The following WASHC4 variants were observed in gnomAD, a reference collection of about 807,000 sequenced individuals.
The protein encoded by WASHC4 is WASH complex subunit 4, also known as WASH complex subunit 7.
In WASHC4, 86 loss-of-function variants were observed where a neutral mutation model predicts 166.6. The ratio of observed to expected loss-of-function variants is 0.52; its 90% confidence interval spans 0.43 to 0.62. WASHC4 has a LOEUF of 0.62. Ranked by LOEUF, WASHC4 falls within the 20% of genes least tolerant of loss-of-function variation. The pLI is 0.00. For synonymous variants in WASHC4, 446 were observed against 451.6 expected, an observed-to-expected ratio of 0.99 and a Z score of 0.16; for missense variants, 1,262 against 1,382.4, an observed-to-expected ratio of 0.91 and a Z score of 1.38.
At chr12:105,144,496 T>C (rs1387947162) in intron 21 of WASHC4, 41 bp downstream of exon 21, 10 of 1,239,400 alleles carry the variant, frequency 8.1e-6, no homozygotes, top group South Asian at 4.9e-5. Context: ...TATTCTCTTT[T>C]TTTTTTTTTT....
chr12:105,152,743 A>C (rs1306978429), intron 26 of WASHC4, among the ~76,000 whole-genome samples: 2 of 152,226 alleles, frequency 1.3e-5, no homozygotes, highest in Admixed American at 1.3e-4. Context: ...GTAAGTACTT[A>C]CTGAATACCT....
At position 105,144,713 on chromosome 12, in the gene WASHC4, G is replaced by C. The variant is rs76174691; in HGVS notation, c.2180-5G>C. 2.7e-6 allele frequency: 4 copies of C among 1,502,254 alleles called. No individual in the cohort carries two copies. The highest frequency in any genetic ancestry group is 2.2e-5 in the Admixed American group (1 of 45,942). The allele number at this position is 1,502,254 out of a possible 1,614,324, so 93.1% of individuals were successfully genotyped here. A position where few individuals can be genotyped will look rare whatever the true frequency, so the allele number is the denominator to read the frequency against. On this transcript the variant is annotated splice_region_variant and splice_polypyrimidine_tract_variant and intron_variant, in intron 21 of 32. Transcript: ENST00000332180. ...TTCACAAGTTGAATTTTTTTTTTTT[G>C]GTAGCTTACGTAACTCACTACCTAG...
At chr12:105,152,306 A>G (rs778689943) in intron 25 of WASHC4, 37 bp from the exon 26 acceptor site, 2 of 1,046,094 alleles carry the variant, frequency 1.9e-6, no homozygotes, top group East Asian at 4.8e-5. Context: ...TGCTTTAGAA[A>G]TCTTTATTAA....
intron 24 of WASHC4, chr12:105,148,164 A>C: frequency 1.0e-6 from 1 of 985,330 alleles, no homozygotes; most frequent in Non-Finnish European, 1.2e-6. Flanking sequence ...AAAGCATTGA[A>C]GATTTTGAGC....
intron 15 of WASHC4, 138 bp downstream of exon 15, chr12:105,138,149 T>G: frequency 1.4e-6 from 1 of 725,784 alleles, no homozygotes. Context: ...CTCAATTGAA[T>G]AAAGGAACTA....
intron 25 of WASHC4, among the ~76,000 whole-genome samples, chr12:105,151,766 C>A (rs1204870903): frequency 1.3e-5 from 2 of 152,216 alleles, no homozygotes; most frequent in Admixed American, 1.3e-4. Context: ...AGGCATGAGC[C>A]ACTGTGCCCA....
chr12:105,156,617 T>C (rs1592916153), intron 26 of WASHC4, 109 bp from the exon 27 acceptor site: 5 of 768,558 alleles, frequency 6.5e-6, no homozygotes, highest in Non-Finnish European at 1.1e-5. Context: ...CAAAATATTT[T>C]GGTTCTTAGG....
At chr12:105,148,711 CT>C in intron 24 of WASHC4, 2 of 985,160 alleles carry the variant, frequency 2.0e-6, no homozygotes, top group Non-Finnish European at 2.4e-6. Flanking sequence ...TAAATGAATA[CT>C]GAGTAAAACG....
Position 105,133,893 on chromosome 12 carries a change from A to G in WASHC4, c.1323A>G (p.Ile441Met), listed in dbSNP as rs1233691302. 1 of 1,611,512 alleles carries G rather than the reference A, an allele frequency of 6.2e-7. No homozygotes were observed. The highest frequency in any genetic ancestry group is 2.2e-5 in the East Asian group (1 of 44,672). ...TCACCAATAGATGTAATGTTTTTAT[A>G]CAGGTAGTTGCATCTTATTTCGGGG... ...EDLTNRCNVF[I>M]QGFLYAYSIS... The change falls in exon 14 of 33, where the codon ATA becomes ATG. Residue 441 changes from isoleucine to methionine, a missense_variant. By Grantham distance (10) the Ile-to-Met change is conservative (BLOSUM62 1). Coordinates refer to ENST00000332180, the MANE Select transcript of WASHC4 (RefSeq NM_015275.3).
chr12:105,126,779 C>T (rs1347302174), intron 12 of WASHC4, among the ~76,000 whole-genome samples: 1 of 151,826 alleles, frequency 6.6e-6, no homozygotes, highest in Non-Finnish European at 1.5e-5. Context: ...CTATGATAAC[C>T]CAGCCAATTT....
intron 25 of WASHC4, among the ~76,000 whole-genome samples, chr12:105,150,389 A>C (rs1285047255): frequency 6.6e-6 from 1 of 152,228 alleles, no homozygotes; most frequent in Non-Finnish European, 1.5e-5. Context: ...CTTAAGGAGA[A>C]ATTTCTAGGA....
chr12:105,166,857 C>T lies in WASHC4; in HGVS notation c.3455-7C>T, dbSNP rs1004164132. Reference sequence around the variant, plus strand: ...ATATCCATTATTATTTTCACTCATGCTTTCAGAAGAAACTAAAACAAGCAA... The same window carrying T: ...ATATCCATTATTATTTTCACTCATGTTTTCAGAAGAAACTAAAACAAGCAA... On this transcript the variant is annotated splice_region_variant and splice_polypyrimidine_tract_variant and intron_variant, in intron 32 of 32. Coordinates refer to ENST00000332180, the MANE Select transcript of WASHC4 (RefSeq NM_015275.3). 2.0e-5 allele frequency: 31 copies of T among 1,582,676 alleles called. No homozygotes were observed. Among genetic ancestry groups the T allele is most frequent in the African/African-American group, 2.7e-5 (2 of 74,342 alleles).
chr12:105,131,341 C>T (rs1195611831), intron 13 of WASHC4, among the ~76,000 whole-genome samples: 3 of 152,066 alleles, frequency 2.0e-5, no homozygotes, highest in Non-Finnish European at 4.4e-5. Context: ...CCGCCTCGGC[C>T]TCCCAAAGTG....
chr12:105,167,493 A>G lies in WASHC4; in HGVS notation c.*562A>G, dbSNP rs185676962. On this transcript the variant is annotated 3_prime_UTR_variant, in exon 33 of 33. Transcript: ENST00000332180. ...CAGTATAACTGATGATCCTTCTTTC[A>G]TTGTTAATTTCATGTGACTCACAAG... 5.0e-4 allele frequency: 76 copies of G among 152,824 alleles called. 1 individual carries two copies. Among genetic ancestry groups the G allele is most frequent in the Admixed American group, 8.5e-4 (13 of 15,320 alleles). The allele number at this position is 152,824 out of a possible 1,614,324, so 9.5% of individuals were successfully genotyped here. A position where few individuals can be genotyped will look rare whatever the true frequency, so the allele number is the denominator to read the frequency against.
intron 30 of WASHC4, among the ~76,000 whole-genome samples, chr12:105,163,107 C>A (rs1884604910): frequency 6.6e-6 from 1 of 151,696 alleles, no homozygotes; most frequent in African/African-American, 2.4e-5. Context: ...CAGGCACTCG[C>A]CACCACACCT....
In WASHC4 at chr12:105,144,344, A is replaced by C; in HGVS notation, c.2068A>C (p.Thr690Pro). ...IEKDLRLSVH[T>P]HLKLDDRNPF... ...GAAAGATCTGCGACTTTCTGTGCAT[A>C]CTCATTTAAAGCTGGATGACCGAAA... The change falls in exon 21 of 33, where the codon ACT becomes CCT. Residue 690 changes from threonine to proline, a missense_variant. Thr to Pro is a conservative substitution (Grantham distance 38). Transcript: ENST00000332180. 1 of 1,613,374 alleles carries C rather than the reference A, an allele frequency of 6.2e-7. No homozygotes were observed. The highest frequency in any genetic ancestry group is 8.5e-7 in the Non-Finnish European group (1 of 1,179,392).
At chr12:105,131,903 A>G (rs1881856892) in intron 13 of WASHC4, among the ~76,000 whole-genome samples, 1 of 152,176 alleles carries the variant, frequency 6.6e-6, no homozygotes, top group African/African-American at 2.4e-5. Flanking sequence ...CACATTTATT[A>G]GAGATTTTGA....
chr12:105,117,412 G>A (rs578096003), intron 6 of WASHC4, among the ~76,000 whole-genome samples: 1 of 151,954 alleles, frequency 6.6e-6, no homozygotes, highest in South Asian at 2.1e-4. Context: ...CTGTTTCTAG[G>A]TCTATCTTAT....
intron 10 of WASHC4, among the ~76,000 whole-genome samples, chr12:105,123,143 C>G (rs768970735): frequency 2.0e-5 from 3 of 152,128 alleles, no homozygotes; most frequent in Admixed American, 6.6e-5. Flanking sequence ...GTGAAACCTT[C>G]TCTCTACTAA....
Sources: gnomAD v4.1 joint callset for allele counts (sites outside exome capture counted in the v4.1 genomes callset) on GRCh38, gnomAD v4.1.1 for gene constraint, MANE v1.5 for transcripts, NCBI Gene and HGNC (gene_info 2026-07-23, HGNC 2026-07-21) for gene names.